GRID1: variants seen among roughly 807,000 people sequenced by gnomAD.
The protein encoded by GRID1 is glutamate receptor ionotropic, delta-1.
Under a neutral mutation model 98.0 loss-of-function variants are expected in GRID1, and 28 were observed. The ratio of observed to expected loss-of-function variants is 0.29; its 90% CI spans 0.21 to 0.39. GRID1 has a LOEUF of 0.39. GRID1 is among the 10% of genes least tolerant of loss of function. GRID1 has a pLI of 1.00. For synonymous variants in GRID1, 553 were observed against 538.5 expected (o/e 1.03, Z -0.37); for missense variants, 1,111 against 1,340.5 (o/e 0.83, Z 2.67).
chr10:85,767,312 AT>A (rs560356553), intron 8 of GRID1, among the ~76,000 whole-genome samples: 196 of 152,142 alleles, frequency 1.3e-3, no homozygotes, highest in Middle Eastern at 3.4e-3. Flanking sequence ...CCCCAATCCT[AT>A]CCCCAACTTT....
chr10:86,235,546 T>C (rs535978137), intron 2 of GRID1, among the ~76,000 whole-genome samples: 1 of 152,340 alleles, frequency 6.6e-6, no homozygotes, highest in African/African-American at 2.4e-5. Context: ...TTACAGTCAA[T>C]CTCTGCTTCC....
chr10:86,109,306 C>T (rs1028358208), intron 4 of GRID1, among the ~76,000 whole-genome samples: 1 of 152,226 alleles, frequency 6.6e-6, no homozygotes, highest in African/African-American at 2.4e-5. Flanking sequence ...AAATGAAACA[C>T]TGAGTGTTCA....
chr10:85,899,677 G>C (rs1841351346), intron 5 of GRID1, among the ~76,000 whole-genome samples: 1 of 152,108 alleles, frequency 6.6e-6, no homozygotes. Flanking sequence ...TGCTTCTGAG[G>C]GCAACCCCTC....
intron 4 of GRID1, among the ~76,000 whole-genome samples, chr10:85,975,707 C>CTTT (rs1842463837): frequency 3.9e-5 from 6 of 152,110 alleles, no homozygotes; most frequent in African/African-American, 1.4e-4. Flanking sequence ...CTCCAAGTTG[C>CTTT]CCTCTTTCAA....
intron 12 of GRID1, among the ~76,000 whole-genome samples, chr10:85,667,395 T>TA (rs1009816849): frequency 4.0e-4 from 61 of 151,454 alleles, no homozygotes; most frequent in African/African-American, 1.2e-3. Context: ...TAGGCTGTTT[T>TA]AAAAAAAAAG....
At chr10:85,647,623 A>G in intron 12 of GRID1, 1 of 505,840 alleles carries the variant, frequency 2.0e-6, no homozygotes, top group Non-Finnish European at 3.6e-6. Context: ...ATTCAATAAG[A>G]TGACTGGGCA....
At chr10:85,690,872 G>GACAC (rs113101674) in intron 12 of GRID1, among the ~76,000 whole-genome samples, 9,223 of 150,332 alleles carry the variant, frequency 0.061, 344 homozygotes, top group Middle Eastern at 0.1. Flanking sequence ...CAGCAGTGCA[G>GACAC]ACACACACAC....
intron 2 of GRID1, among the ~76,000 whole-genome samples, chr10:86,285,216 C>T (rs1847413847): frequency 6.6e-6 from 1 of 152,106 alleles, no homozygotes; most frequent in South Asian, 2.1e-4. Flanking sequence ...GCCCTGCTTC[C>T]CCTGAGCCAG....
intron 8 of GRID1, among the ~76,000 whole-genome samples, chr10:85,809,396 C>T (rs950133983): frequency 6.6e-6 from 1 of 152,156 alleles, no homozygotes; most frequent in Admixed American, 6.5e-5. Context: ...TACTTAAACA[C>T]ATTATAGTCA....
chr10:86,109,971 CTT>C (rs56917207), intron 4 of GRID1, among the ~76,000 whole-genome samples: 95,603 of 121,008 alleles, frequency 0.79, 37,148 homozygotes, highest in Admixed American at 0.85. Flanking sequence ...CTCTGCCATT[CTT>C]TTTTTTTTTT....
intron 3 of GRID1, among the ~76,000 whole-genome samples, chr10:86,161,819 G>A (rs1302692215): frequency 1.3e-5 from 2 of 152,210 alleles, no homozygotes; most frequent in African/African-American, 4.8e-5. Flanking sequence ...GCCGGAGGTG[G>A]AGGAATTGAT....
At chr10:85,608,003 G>A (rs1480063332) in intron 15 of GRID1, among the ~76,000 whole-genome samples, 2 of 151,956 alleles carry the variant, frequency 1.3e-5, no homozygotes, top group African/African-American at 2.4e-5. Flanking sequence ...AAATTGTAGA[G>A]ACTGGGGTCT....
intron 3 of GRID1, among the ~76,000 whole-genome samples, chr10:86,191,663 C>T (rs1345680809): frequency 1.3e-5 from 2 of 152,162 alleles, no homozygotes; most frequent in Non-Finnish European, 1.5e-5. Flanking sequence ...GCTCCCAGTT[C>T]CCTCAGGGTG....
At chr10:85,884,613 C>T (rs1292617669) in intron 5 of GRID1, among the ~76,000 whole-genome samples, 2 of 152,244 alleles carry the variant, frequency 1.3e-5, no homozygotes, top group African/African-American at 4.8e-5. Context: ...AAATATATCC[C>T]TAAATTTCTG....
chr10:86,208,837 A>G (rs887731325), intron 2 of GRID1, among the ~76,000 whole-genome samples: 15 of 152,220 alleles, frequency 9.9e-5, no homozygotes, highest in Non-Finnish European at 2.1e-4. Flanking sequence ...GGCCCCAGTC[A>G]ATAATTCCTC....
At chr10:86,298,445 T>C (rs1847626475) in intron 2 of GRID1, among the ~76,000 whole-genome samples, 1 of 152,184 alleles carries the variant, frequency 6.6e-6, no homozygotes, top group South Asian at 2.1e-4. Flanking sequence ...GGAGTCTCTT[T>C]AGCTATAAGG....
chr10:86,284,752 C>A (rs1269404893), intron 2 of GRID1, among the ~76,000 whole-genome samples: 3 of 152,240 alleles, frequency 2.0e-5, no homozygotes, highest in Admixed American at 6.5e-5. Context: ...GCCACAATGC[C>A]ATCCACTGTC....
chr10:86,228,211 G>A (rs1256108011), intron 2 of GRID1, among the ~76,000 whole-genome samples: 1 of 149,132 alleles, frequency 6.7e-6, no homozygotes, highest in Non-Finnish European at 1.5e-5. Context: ...GTGGGTGGGT[G>A]AGTAGGTGGC....
intron 13 of GRID1, among the ~76,000 whole-genome samples, chr10:85,637,331 A>G (rs929421656): frequency 5.3e-5 from 8 of 152,198 alleles, no homozygotes; most frequent in Admixed American, 3.9e-4. Context: ...TCCTCTCAAA[A>G]CTGCTTATTA....
Sources: gnomAD v4.1 joint callset for allele counts (sites outside exome capture counted in the v4.1 genomes callset) on GRCh38, gnomAD v4.1.1 for gene constraint, MANE v1.5 for transcripts, NCBI Gene and HGNC (gene_info 2026-07-23, HGNC 2026-07-21) for gene names.